The following CREB3L2 variants were observed in gnomAD, a reference collection of about 807,000 sequenced individuals.
The protein encoded by CREB3L2 is cyclic AMP-responsive element-binding protein 3-like protein 2.
A neutral mutation model predicts 57.2 loss-of-function variants in CREB3L2; 23 were observed. The ratio of observed to expected loss-of-function variants is 0.40; its 90% CI spans 0.29 to 0.57. The LOEUF is 0.57. Ranked by LOEUF, CREB3L2 falls within the 20% of genes least tolerant of loss-of-function variation. The pLI is 0.42. For synonymous variants in CREB3L2, 268 were observed against 265.1 expected, an observed-to-expected ratio of 1.01 and a Z score of -0.11; for missense variants, 628 against 634.7, an observed-to-expected ratio of 0.99 and a Z score of 0.11.
At chr7:137,950,378 A>G (rs528063973) in intron 1 of CREB3L2, among the ~76,000 whole-genome samples, 1 of 152,342 alleles carries the variant, frequency 6.6e-6, no homozygotes, top group East Asian at 1.9e-4. Flanking sequence ...TATGATTACC[A>G]TCAGTCCACA....
At chr7:137,977,275 C>A (rs761286261) in intron 1 of CREB3L2, among the ~76,000 whole-genome samples, 1 of 152,220 alleles carries the variant, frequency 6.6e-6, no homozygotes, top group African/African-American at 2.4e-5. Context: ...CTAGTCCAGA[C>A]AGTCCAAAAC....
intron 1 of CREB3L2, among the ~76,000 whole-genome samples, chr7:137,934,761 C>T (rs1800743704): frequency 6.6e-6 from 1 of 152,170 alleles, no homozygotes; most frequent in Admixed American, 6.5e-5. Flanking sequence ...GATACTTATT[C>T]GGCCTTAATG....
intron 11 of CREB3L2, 152 bp downstream of exon 11, chr7:137,882,260 T>C: frequency 1.8e-6 from 1 of 559,224 alleles, no homozygotes. Context: ...AGCAACAGAC[T>C]CTCTGCAGTC....
chr7:137,878,517 C>G lies in CREB3L2; in HGVS notation c.*1959G>C. On this transcript the variant is annotated 3_prime_UTR_variant, in exon 12 of 12. Transcript: ENST00000330387. ...GGCCCAACAGGATCTGGGCTGCAGA[C>G]AGTGGAGCAGAGAGAAGCAGAAGCA... The G allele has an allele frequency of 4.3e-6, 1 of 233,486 alleles. No individual in the cohort carries two copies. 14.5% of individuals were successfully genotyped at this position (233,486 alleles called of 1,614,324 possible).
chr7:137,981,144 A>G (rs768657915), intron 1 of CREB3L2, among the ~76,000 whole-genome samples: 1 of 152,184 alleles, frequency 6.6e-6, no homozygotes, highest in Non-Finnish European at 1.5e-5. Context: ...GTTAAAGCCC[A>G]GAGGAGGAGG....
chr7:137,967,748 C>A (rs894694672), intron 1 of CREB3L2, among the ~76,000 whole-genome samples: 1 of 152,166 alleles, frequency 6.6e-6, no homozygotes, highest in Non-Finnish European at 1.5e-5. Flanking sequence ...GAACAGGAAG[C>A]CTGCCCTGCA....
At chr7:137,967,299 C>T (rs1347054775) in intron 1 of CREB3L2, among the ~76,000 whole-genome samples, 2 of 152,180 alleles carry the variant, frequency 1.3e-5, no homozygotes, top group African/African-American at 4.8e-5. Flanking sequence ...CAGACCAAGG[C>T]AAAAGGTGAG....
At chr7:137,947,087 G>A (rs1022936269) in intron 1 of CREB3L2, among the ~76,000 whole-genome samples, 8 of 132,458 alleles carry the variant, frequency 6.0e-5, no homozygotes, top group African/African-American at 2.0e-4. Context: ...AAGCCCTAGC[G>A]CTCTCTCTCT....
At chr7:137,895,352 T>C (rs537860542) in intron 8 of CREB3L2, among the ~76,000 whole-genome samples, 22 of 152,342 alleles carry the variant, frequency 1.4e-4, no homozygotes, top group African/African-American at 4.1e-4. Flanking sequence ...AATGTATTTC[T>C]TGATGGAGCA....
At chr7:137,881,999 T>C (rs1031118768) in intron 11 of CREB3L2, among the ~76,000 whole-genome samples, 4 of 152,230 alleles carry the variant, frequency 2.6e-5, no homozygotes, top group Admixed American at 6.5e-5. Flanking sequence ...TATTGACATA[T>C]AGCACAATAT....
At chr7:137,902,810 TG>T (rs1799791882) in intron 7 of CREB3L2, among the ~76,000 whole-genome samples, 1 of 152,038 alleles carries the variant, frequency 6.6e-6, no homozygotes, top group Non-Finnish European at 1.5e-5. Flanking sequence ...TTTATTGAGT[TG>T]TTTGGTTTTG....
At chr7:137,953,572 C>T (rs965473513) in intron 1 of CREB3L2, 1 of 1,189,882 alleles carries the variant, frequency 8.4e-7, no homozygotes, top group African/African-American at 1.6e-5. Flanking sequence ...TGATGACGGT[C>T]TCAGAATGTG....
chr7:137,951,473 T>C (rs143176344), intron 1 of CREB3L2, among the ~76,000 whole-genome samples: 1 of 152,224 alleles, frequency 6.6e-6, no homozygotes, highest in African/African-American at 2.4e-5. Context: ...TAATCCTCTA[T>C]TTCCCTTAGC....
rs796576887 is a variant in CREB3L2 at position 137,904,663 on chromosome 7, CAAAACAA to C, written c.916-653_916-647del. On this transcript the variant is annotated intron_variant, in intron 6 of 11. Transcript: ENST00000330387. ...TAGGTGACAGAGAGAGACTCCATCT[CAAAACAA>C]AAAACAAAAAACAAAAAAATTAGCC... Among the ~76,000 whole-genome samples, 19 of 149,256 alleles carry C rather than the reference CAAAACAA, an allele frequency of 1.3e-4. 1 individual carries two copies. The highest frequency in any genetic ancestry group is 3.2e-4 in the African/African-American group (13 of 40,496).
At chr7:137,938,249 C>T (rs1234046543) in intron 1 of CREB3L2, among the ~76,000 whole-genome samples, 1 of 152,172 alleles carries the variant, frequency 6.6e-6, no homozygotes, top group Non-Finnish European at 1.5e-5. Flanking sequence ...GTGGCGGAGG[C>T]TATGAATGTG....
At chr7:137,975,456 C>CT (rs1801589764) in intron 1 of CREB3L2, among the ~76,000 whole-genome samples, 1 of 152,176 alleles carries the variant, frequency 6.6e-6, no homozygotes, top group Non-Finnish European at 1.5e-5. Context: ...GGACTCTCGC[C>CT]CCTTCTCTCT....
chr7:137,972,152 A>AT (rs1425170006), intron 1 of CREB3L2, among the ~76,000 whole-genome samples: 9 of 152,212 alleles, frequency 5.9e-5, no homozygotes, highest in Non-Finnish European at 1.5e-5. Flanking sequence ...GCAGTGGCTC[A>AT]TGCCTGTAAT....
intron 1 of CREB3L2, among the ~76,000 whole-genome samples, chr7:137,989,287 C>A (rs1429017910): frequency 1.3e-5 from 2 of 152,138 alleles, no homozygotes; most frequent in Non-Finnish European, 2.9e-5. Context: ...GACACAGACA[C>A]CGCCCTGAGC....
At chr7:137,944,796 T>G (rs1800939866) in intron 1 of CREB3L2, among the ~76,000 whole-genome samples, 1 of 152,210 alleles carries the variant, frequency 6.6e-6, no homozygotes, top group Admixed American at 6.5e-5. Context: ...TATTTATATA[T>G]GTTGTTACAT....
Sources: gnomAD v4.1 joint callset for allele counts (sites outside exome capture counted in the v4.1 genomes callset) on GRCh38, gnomAD v4.1.1 for gene constraint, MANE v1.5 for transcripts, NCBI Gene and HGNC (gene_info 2026-07-23, HGNC 2026-07-21) for gene names.